Variants in INSL6 observed in about 807,000 individuals in gnomAD.
INSL6 encodes insulin-like peptide INSL6.
In INSL6, 16 loss-of-function variants were observed where a neutral mutation model predicts 9.4. The ratio of observed to expected loss-of-function variants is 1.70; its 90% CI spans 1.15 to 2.59. The LOEUF is 2.59. INSL6 is among the 30% of genes most tolerant of loss of function. The pLI, the probability that INSL6 is intolerant of heterozygous loss-of-function variation, is 0.00. For missense variants in INSL6, 391 were observed against 257.3 expected, an observed-to-expected ratio of 1.52 and a Z score of -3.56; for synonymous variants, 154 against 96.9, an observed-to-expected ratio of 1.59 and a Z score of -3.46.
At chr9:5,056,874 A>G in the INSL6 span, among the ~76,000 whole-genome samples, 2 of 152,172 alleles carry the variant, frequency 1.3e-5, no homozygotes, top group African/African-American at 4.8e-5. Flanking sequence ...AAGTTAAGTA[A>G]CTTTCCAAGG....
intron 1 of INSL6, among the ~76,000 whole-genome samples, chr9:5,182,684 G>A (rs1167938825): frequency 6.6e-6 from 1 of 152,030 alleles, no homozygotes; most frequent in Admixed American, 6.6e-5. Flanking sequence ...TGAAGACTAA[G>A]AATATGGGAA....
chr9:5,130,849 C>T (rs1174192891), intron 3 of INSL6, among the ~76,000 whole-genome samples: 1 of 151,002 alleles, frequency 6.6e-6, no homozygotes, highest in Non-Finnish European at 1.5e-5. Context: ...CTGCCTCAGC[C>T]TCCCGCGTAG....
At chr9:5,035,638 G>T in the INSL6 span, among the ~76,000 whole-genome samples, 15 of 152,212 alleles carry the variant, frequency 9.9e-5, no homozygotes, top group African/African-American at 3.4e-4. Context: ...AAAACCATAT[G>T]ATTATCTCAG....
the INSL6 span, among the ~76,000 whole-genome samples, chr9:5,101,203 T>A: frequency 6.6e-6 from 1 of 152,206 alleles, no homozygotes; most frequent in Non-Finnish European, 1.5e-5. Flanking sequence ...CCAACAGTCT[T>A]ACCAAATGGC....
intron 2 of INSL6, among the ~76,000 whole-genome samples, chr9:5,144,764 C>G (rs1824569619): frequency 6.6e-6 from 1 of 152,162 alleles, no homozygotes; most frequent in Non-Finnish European, 1.5e-5. Context: ...GGTTTAAAGT[C>G]TGTTTTGTCA....
the INSL6 span, chr9:5,085,838 T>C: frequency 9.2e-6 from 7 of 763,184 alleles, no homozygotes; most frequent in Middle Eastern, 7.0e-4. Context: ...CTTTTCCTTT[T>C]ACATCAAAGT....
chr9:5,143,481 G>A (rs1305888255), intron 2 of INSL6, among the ~76,000 whole-genome samples: 1 of 151,958 alleles, frequency 6.6e-6, no homozygotes, highest in Non-Finnish European at 1.5e-5. Flanking sequence ...CCATAGAGGT[G>A]TTCATAATAT....
At chr9:5,089,961 A>T in the INSL6 span, 1 of 751,994 alleles carries the variant, frequency 1.3e-6, no homozygotes, top group Non-Finnish European at 1.9e-6. Context: ...GACTTATGCC[A>T]ATGCCCAGAG....
rs145107268 is a variant in INSL6 at position 5,138,767 on chromosome 9, T to A, written c.377-5175A>T. ...ATAAAAGTACTGAATCCCACTGATT[T>A]AATATCTAAAAAAATAGTTACCTAA... On this transcript the variant is annotated intron_variant, in intron 2 of 3. Coordinates refer to the INSL6 transcript ENST00000649639. Among the ~76,000 whole-genome samples the A allele has an allele frequency of 2.6e-5, 4 of 152,184 alleles. No homozygotes were observed. The East Asian group carries it at 7.7e-4, about 29-fold the overall frequency.
the INSL6 span, chr9:5,112,051 A>C: frequency 2.4e-6 from 1 of 408,580 alleles, no homozygotes; most frequent in Non-Finnish European, 4.9e-6. Flanking sequence ...CCCAGCTACG[A>C]CGGGGGTCTC....
intron 2 of INSL6, among the ~76,000 whole-genome samples, chr9:5,137,457 A>G (rs2130884220): frequency 6.6e-6 from 1 of 152,336 alleles, no homozygotes; most frequent in Middle Eastern, 3.4e-3. Context: ...GGCCTCACAA[A>G]TAACACCACA....
At chr9:5,050,204 A>G in the INSL6 span, among the ~76,000 whole-genome samples, 2 of 152,258 alleles carry the variant, frequency 1.3e-5, no homozygotes, top group African/African-American at 4.8e-5. Flanking sequence ...TTGGGAACCC[A>G]GTGTAAATCA....
chr9:5,130,266 A>T (rs966255615), intron 3 of INSL6, among the ~76,000 whole-genome samples: 10 of 152,146 alleles, frequency 6.6e-5, no homozygotes, highest in African/African-American at 2.4e-4. Context: ...TTTTAATAGC[A>T]GTAGTAGGAA....
At chr9:5,146,788 G>T (rs543096972) in intron 2 of INSL6, among the ~76,000 whole-genome samples, 1 of 152,300 alleles carries the variant, frequency 6.6e-6, no homozygotes, top group South Asian at 2.1e-4. Context: ...GGAAGCTTCA[G>T]TATGGGGATG....
At chr9:5,092,959 G>A in the INSL6 span, among the ~76,000 whole-genome samples, 1 of 152,152 alleles carries the variant, frequency 6.6e-6, no homozygotes, top group Admixed American at 6.6e-5. Flanking sequence ...CATCGCCATA[G>A]TTGGCCCAAA....
chr9:5,032,291 C>T, the INSL6 span, among the ~76,000 whole-genome samples: 1 of 152,232 alleles, frequency 6.6e-6, no homozygotes, highest in Non-Finnish European at 1.5e-5. Flanking sequence ...TCAAGGAGGC[C>T]TGCCGGCCTC....
At chr9:5,115,452 C>T in the INSL6 span, among the ~76,000 whole-genome samples, 1 of 152,180 alleles carries the variant, frequency 6.6e-6, no homozygotes, top group Non-Finnish European at 1.5e-5. Context: ...AATGCTTTTA[C>T]ATTGTTGATG....
intron 1 of INSL6, among the ~76,000 whole-genome samples, chr9:5,180,041 G>T (rs1386003148): frequency 6.6e-6 from 1 of 152,216 alleles, no homozygotes; most frequent in Admixed American, 6.5e-5. Context: ...CTTCAAATTA[G>T]TGTATATATT....
At chr9:5,100,921 T>C in the INSL6 span, 5 of 152,380 alleles carry the variant, frequency 3.3e-5, no homozygotes, top group African/African-American at 1.2e-4. Flanking sequence ...CTTTACAAGA[T>C]GTCTGAATAG....
Sources: allele counts gnomAD v4.1 joint callset (sites outside exome capture counted in the v4.1 genomes callset), GRCh38; gene constraint gnomAD v4.1.1; transcripts MANE v1.5; gene names NCBI Gene and HGNC (gene_info 2026-07-23, HGNC 2026-07-21).